The following FSIP1 variants were observed in gnomAD, a reference collection of about 807,000 sequenced individuals.
The protein encoded by FSIP1 is fibrous sheath-interacting protein 1.
A neutral mutation model predicts 60.9 loss-of-function variants in FSIP1; 65 were observed. That is an observed-to-expected ratio of 1.07 (90% CI 0.87 to 1.31). FSIP1 has a LOEUF of 1.31. Ranked by LOEUF, FSIP1 falls within the 40% of genes most tolerant of loss-of-function variation. FSIP1 has a pLI of 0.00. For synonymous variants in FSIP1, 209 were observed against 221.2 expected, an observed-to-expected ratio of 0.94 and a Z score of 0.49; for missense variants, 675 against 665.5, an observed-to-expected ratio of 1.01 and a Z score of -0.16.
rs906688078 is a variant in FSIP1 at position 39,682,032 on chromosome 15, T to G, written c.1188+31412A>C. Among the ~76,000 whole-genome samples, 5 of 152,224 alleles carry G rather than the reference T, an allele frequency of 3.3e-5. No individual in the cohort carries two copies. The South Asian group carries it at 6.2e-4, about 19-fold the overall frequency. On this transcript the variant is annotated intron_variant, in intron 10 of 11. Coordinates refer to ENST00000350221, the MANE Select transcript of FSIP1 (RefSeq NM_152597.5). ...CCCAGTTGCAAGTATAAAAGTTTAATAATTTGGGGGCCAAAATTTAACTGA... is the reference window on the plus strand; with the variant it reads ...CCCAGTTGCAAGTATAAAAGTTTAAGAATTTGGGGGCCAAAATTTAACTGA...
intron 10 of FSIP1, among the ~76,000 whole-genome samples, chr15:39,620,653 G>A (rs1200432973): frequency 7.3e-5 from 11 of 150,768 alleles, no homozygotes; most frequent in South Asian, 2.1e-4. Flanking sequence ...GTGCAGTGGC[G>A]CAATCGTGGC....
At chr15:39,707,747 T>G (rs1895335490) in intron 10 of FSIP1, among the ~76,000 whole-genome samples, 1 of 152,122 alleles carries the variant, frequency 6.6e-6, no homozygotes, top group African/African-American at 2.4e-5. Context: ...ATTCTACAGA[T>G]TAGTGAATTG....
chr15:39,630,269 A>G (rs1891826492), intron 10 of FSIP1, among the ~76,000 whole-genome samples: 3 of 152,250 alleles, frequency 2.0e-5, no homozygotes, highest in African/African-American at 7.2e-5. Context: ...AAGTTGTGCT[A>G]TGATCCAAAT....
At chr15:39,656,791 A>G (rs1381801592) in intron 10 of FSIP1, among the ~76,000 whole-genome samples, 1 of 152,250 alleles carries the variant, frequency 6.6e-6, no homozygotes, top group East Asian at 1.9e-4. Context: ...ATTTTAAAAG[A>G]GAAAAAAATC....
intron 7 of FSIP1, among the ~76,000 whole-genome samples, chr15:39,738,694 AG>A (rs141010338): frequency 0.094 from 14,330 of 152,236 alleles, 806 homozygotes; most frequent in African/African-American, 0.13. Flanking sequence ...AACCTGGATA[AG>A]GGGGGAACTC....
At chr15:39,725,253 C>G (rs938743135) in intron 9 of FSIP1, among the ~76,000 whole-genome samples, 3 of 152,046 alleles carry the variant, frequency 2.0e-5, no homozygotes, top group African/African-American at 7.2e-5. Flanking sequence ...ATACAAAGTC[C>G]TGGGACACAT....
chr15:39,659,077 A>G lies in FSIP1; in HGVS notation c.1189-40832T>C, dbSNP rs140033128. 3.6e-4 allele frequency among the ~76,000 whole-genome samples: 55 copies of G among 152,374 alleles called. No homozygotes were observed. In the East Asian group the frequency reaches 8.3e-3, roughly 23 times the overall value. ...AACACCAAAGACCACATATTGTATA[A>G]TTCCATGTATATGAAATGTCCAGGC... On this transcript the variant is annotated intron_variant, in intron 10 of 11. Coordinates refer to ENST00000350221, the MANE Select transcript of FSIP1 (RefSeq NM_152597.5).
intron 9 of FSIP1, among the ~76,000 whole-genome samples, chr15:39,726,107 G>A (rs1896184097): frequency 6.6e-6 from 1 of 152,110 alleles, no homozygotes; most frequent in African/African-American, 2.4e-5. Flanking sequence ...AAGAGTATTT[G>A]AGGGAACTAC....
chr15:39,735,861 A>T (rs916180017), intron 8 of FSIP1, among the ~76,000 whole-genome samples: 3 of 151,938 alleles, frequency 2.0e-5, no homozygotes, highest in South Asian at 2.1e-4. Flanking sequence ...ACACAAATGC[A>T]CCTATTAGCC....
intron 10 of FSIP1, among the ~76,000 whole-genome samples, chr15:39,710,340 G>T (rs1166991274): frequency 6.6e-6 from 1 of 151,218 alleles, no homozygotes; most frequent in East Asian, 1.9e-4. Flanking sequence ...AAAATTAGCT[G>T]GTCATGGTGG....
intron 10 of FSIP1, among the ~76,000 whole-genome samples, chr15:39,662,224 G>T (rs1252547315): frequency 6.6e-6 from 1 of 152,050 alleles, no homozygotes; most frequent in Non-Finnish European, 1.5e-5. Context: ...AACTAGGCAA[G>T]TTGTATTATT....
At chr15:39,779,990 A>G (rs1273946003) in intron 1 of FSIP1, among the ~76,000 whole-genome samples, 1 of 152,178 alleles carries the variant, frequency 6.6e-6, no homozygotes, top group African/African-American at 2.4e-5. Context: ...TACTTTATAT[A>G]TTTGTGTATC....
At chr15:39,764,092 A>C (rs1252332209) in intron 4 of FSIP1, among the ~76,000 whole-genome samples, 178 bp from the exon 5 acceptor site, 1 of 152,062 alleles carries the variant, frequency 6.6e-6, no homozygotes, top group Non-Finnish European at 1.5e-5. Context: ...GTCAATGGGT[A>C]TTCCCAGATA....
intron 9 of FSIP1, among the ~76,000 whole-genome samples, chr15:39,717,769 C>G (rs979906955): frequency 5.9e-5 from 9 of 152,206 alleles, no homozygotes; most frequent in African/African-American, 2.2e-4. Context: ...CCACAAGAAT[C>G]ACTGCAGTCA....
intron 8 of FSIP1, 82 bp downstream of exon 8, chr15:39,738,009 A>G: frequency 1.2e-6 from 1 of 817,008 alleles, no homozygotes; most frequent in Non-Finnish European, 1.9e-6. Context: ...AAATTATTGT[A>G]AATTTATGAT....
rs951315431 is a variant in FSIP1, at chr15:39,711,994, ACTT to A, written c.1188+1447_1188+1449del. Among the ~76,000 whole-genome samples, 24 of 152,092 alleles carry A rather than the reference ACTT, an allele frequency of 1.6e-4. No homozygotes were observed. In the South Asian group the frequency reaches 4.1e-3, roughly 26 times the overall value. On this transcript the variant is annotated intron_variant, in intron 10 of 11. Coordinates refer to ENST00000350221, the MANE Select transcript of FSIP1 (RefSeq NM_152597.5). ...GAGCCACCGCACCCAGCCCATTCCT[ACTT>A]CTTCTACTTCATCCCATCAACAGAA...
chr15:39,776,787 G>C (rs1898078785), intron 1 of FSIP1, among the ~76,000 whole-genome samples: 1 of 152,132 alleles, frequency 6.6e-6, no homozygotes, highest in South Asian at 2.1e-4. Flanking sequence ...ACACAGAAGT[G>C]AATGCCATCT....
rs145099695 is a variant in FSIP1, at chr15:39,638,732, G to C, written c.1189-20487C>G. On this transcript the variant is annotated intron_variant, in intron 10 of 11. Coordinates refer to ENST00000350221, the MANE Select transcript of FSIP1 (RefSeq NM_152597.5). ...TGAAAAAGAAGAAAGGGGAAAAGAA[G>C]GTAATAACAAGGAGGCAAACAGGGA... Among the ~76,000 whole-genome samples, 827 of 152,154 alleles carry C rather than the reference G, an allele frequency of 5.4e-3. 10 individuals carry two copies. Among genetic ancestry groups the C allele is most frequent in the African/African-American group, 0.019 (769 of 41,500 alleles).
At chr15:39,713,412 T>TA (rs750117823) in intron 10 of FSIP1, 32 bp downstream of exon 10, 70 of 1,563,146 alleles carry the variant, frequency 4.5e-5, no homozygotes, top group East Asian at 3.4e-4. Context: ...ATTTTTTTCT[T>TA]AAAAAAAATT....
Sources: allele counts gnomAD v4.1 joint callset (sites outside exome capture counted in the v4.1 genomes callset), GRCh38; gene constraint gnomAD v4.1.1; transcripts MANE v1.5; gene names NCBI Gene and HGNC (gene_info 2026-07-23, HGNC 2026-07-21).